The following TRPM3 variants were observed in gnomAD, a reference collection of about 807,000 sequenced individuals.
TRPM3 encodes the protein transient receptor potential cation channel subfamily M member 3.
In TRPM3, 77 loss-of-function variants were observed where a neutral mutation model predicts 181.2. That is an observed-to-expected ratio of 0.42 (90% CI 0.35 to 0.51). The LOEUF (loss-of-function observed/expected upper bound fraction) is 0.51. Ranked by LOEUF, TRPM3 falls within the 20% of genes least tolerant of loss-of-function variation. TRPM3 has a pLI of 0.01. For missense variants in TRPM3, 1,759 were observed against 2,196.7 expected (o/e 0.80, Z 3.98); for synonymous variants, 745 against 796.4 (o/e 0.94, Z 1.09).
chr9:71,351,069 G>C (rs970133655), intron 1 of TRPM3, among the ~76,000 whole-genome samples: 4 of 152,162 alleles, frequency 2.6e-5, no homozygotes, highest in Non-Finnish European at 4.4e-5. Context: ...CTGATTGGGT[G>C]ATCTTTTCTT....
intron 1 of TRPM3, among the ~76,000 whole-genome samples, chr9:71,232,493 T>TC (rs2081118345): frequency 1.9e-5 from 1 of 51,448 alleles, no homozygotes; most frequent in South Asian, 7.6e-4. Flanking sequence ...TTCAGTGTCT[T>TC]TTTTTTTTTT....
At chr9:71,218,362 A>T (rs901627300) in intron 1 of TRPM3, among the ~76,000 whole-genome samples, 3 of 152,232 alleles carry the variant, frequency 2.0e-5, no homozygotes, top group African/African-American at 7.2e-5. Flanking sequence ...GCATAAAAAC[A>T]TACTGTATTA....
chr9:71,341,182 G>T (rs2090937514), intron 1 of TRPM3, among the ~76,000 whole-genome samples: 1 of 152,092 alleles, frequency 6.6e-6, no homozygotes, highest in Admixed American at 6.6e-5. Flanking sequence ...TTACCAGTGG[G>T]ACACCACAGT....
At chr9:71,395,550 G>A (rs978602439) in intron 1 of TRPM3, among the ~76,000 whole-genome samples, 7 of 152,176 alleles carry the variant, frequency 4.6e-5, no homozygotes, top group South Asian at 2.1e-4. Context: ...GTAATTGACC[G>A]CAGCAGTATG....
Position 70,620,264 on chromosome 9 carries a change from A to C in TRPM3, c.1941T>G (p.Pro647=). 3 of 1,614,258 alleles carry C rather than the reference A, an allele frequency of 1.9e-6. No homozygotes were observed. The highest frequency in any genetic ancestry group is 1.3e-5 in the African/African-American group (1 of 75,068). ...CAGCCCACACCATGAGCTCATGGAAAGGGAAGGGGAAGTGGTTGATCTCAG... is the reference window on the plus strand; with the variant it reads ...CAGCCCACACCATGAGCTCATGGAACGGGAAGGGGAAGTGGTTGATCTCAG... ...DDPEINHFPF[P]FHELMVWAVL... The change falls in exon 16 of 26, where the codon CCT becomes CCG. Residue 647 remains proline (P), a synonymous_variant. Coordinates refer to ENST00000677713, the MANE Select transcript of TRPM3 (RefSeq NM_001366145.2).
intron 1 of TRPM3, among the ~76,000 whole-genome samples, chr9:71,048,987 C>A (rs571088495): frequency 2.0e-5 from 3 of 152,206 alleles, no homozygotes; most frequent in South Asian, 2.1e-4. Flanking sequence ...GGAAATTATT[C>A]ATTCCCTTCA....
chr9:71,243,355 A>C (rs1424754577), intron 1 of TRPM3, among the ~76,000 whole-genome samples: 1 of 152,200 alleles, frequency 6.6e-6, no homozygotes, highest in African/African-American at 2.4e-5. Context: ...ACCTGCCTTC[A>C]TACAGAGGCT....
chr9:71,295,267 G>A (rs901609706), intron 1 of TRPM3, among the ~76,000 whole-genome samples: 3 of 152,024 alleles, frequency 2.0e-5, no homozygotes, highest in African/African-American at 4.8e-5. Context: ...ATAATGGTCA[G>A]TATTTTCAAA....
intron 1 of TRPM3, among the ~76,000 whole-genome samples, chr9:70,877,297 C>T (rs1488100043): frequency 6.6e-6 from 1 of 151,962 alleles, no homozygotes; most frequent in Admixed American, 6.6e-5. Context: ...GCCACGTCAA[C>T]ATTATTTTAG....
At chr9:70,667,935 C>G (rs2062073834) in intron 9 of TRPM3, among the ~76,000 whole-genome samples, 1 of 152,158 alleles carries the variant, frequency 6.6e-6, no homozygotes. Context: ...TAAGAGAAAC[C>G]AGTGTGGTGA....
At chr9:70,924,428 T>C (rs1450835271) in intron 1 of TRPM3, among the ~76,000 whole-genome samples, 4 of 152,188 alleles carry the variant, frequency 2.6e-5, no homozygotes, top group Non-Finnish European at 1.5e-5. Flanking sequence ...ATGTGACTTA[T>C]TTAATACTCC....
intron 1 of TRPM3, among the ~76,000 whole-genome samples, chr9:71,308,203 A>G (rs1000860651): frequency 1.3e-5 from 2 of 152,088 alleles, no homozygotes; most frequent in Admixed American, 1.3e-4. Flanking sequence ...ATACATTTTA[A>G]CATCCCTGCC....
At position 71,031,571 on chromosome 9, in the gene TRPM3, G is replaced by A. The variant is rs75295669; in HGVS notation, c.177+89607C>T. Among the ~76,000 whole-genome samples, 751 of 152,090 alleles carry A rather than the reference G, an allele frequency of 4.9e-3. 19 individuals carry two copies. The East Asian group carries it at 0.077, about 16-fold the overall frequency. On this transcript the variant is annotated intron_variant, in intron 1 of 25. Coordinates refer to ENST00000677713, the MANE Select transcript of TRPM3 (RefSeq NM_001366145.2). Reference sequence around the variant, plus strand: ...TATTTAAGAAAGCATGCCCACTATTGCTATGTTTGTGTTTTCTGTTGGTAA... The same window carrying A: ...TATTTAAGAAAGCATGCCCACTATTACTATGTTTGTGTTTTCTGTTGGTAA...
At chr9:70,804,295 G>A (rs891547101) in intron 6 of TRPM3, among the ~76,000 whole-genome samples, 1 of 151,988 alleles carries the variant, frequency 6.6e-6, no homozygotes, top group Non-Finnish European at 1.5e-5. Flanking sequence ...GCACTACTGG[G>A]CAACAGAGCA....
intron 5 of TRPM3, among the ~76,000 whole-genome samples, chr9:70,828,781 G>T (rs1383786080): frequency 6.8e-6 from 1 of 147,394 alleles, no homozygotes; most frequent in Non-Finnish European, 1.5e-5. Flanking sequence ...TATTCCTTGC[G>T]ACGATCCTGC....
At chr9:70,673,798 A>T (rs2063441437) in intron 9 of TRPM3, among the ~76,000 whole-genome samples, 1 of 151,914 alleles carries the variant, frequency 6.6e-6, no homozygotes, top group African/African-American at 2.4e-5. Context: ...TAAATAAAAA[A>T]ATTAGCTGGG....
At chr9:71,188,077 C>T (rs1490443163) in intron 1 of TRPM3, among the ~76,000 whole-genome samples, 1 of 151,848 alleles carries the variant, frequency 6.6e-6, no homozygotes, top group Non-Finnish European at 1.5e-5. Context: ...CTTTAATAAA[C>T]ATCCTTGCAC....
chr9:70,739,271 T>C (rs2073457147), intron 8 of TRPM3, among the ~76,000 whole-genome samples: 2 of 152,122 alleles, frequency 1.3e-5, no homozygotes, highest in South Asian at 2.1e-4. Context: ...ATCAAAAAGA[T>C]AATACATCAT....
chr9:71,309,657 T>G (rs982450019), intron 1 of TRPM3, among the ~76,000 whole-genome samples: 2 of 152,190 alleles, frequency 1.3e-5, no homozygotes, highest in African/African-American at 4.8e-5. Flanking sequence ...CTGTATTTAA[T>G]AAATAATGGA....
Sources: gnomAD v4.1 joint callset for allele counts (sites outside exome capture counted in the v4.1 genomes callset) on GRCh38, gnomAD v4.1.1 for gene constraint, MANE v1.5 for transcripts, NCBI Gene and HGNC (gene_info 2026-07-23, HGNC 2026-07-21) for gene names.